The following KRT71 variants were observed in gnomAD, a reference collection of about 807,000 sequenced individuals.
The protein encoded by KRT71 is keratin 71.
A neutral mutation model predicts 46.2 loss-of-function variants in KRT71; 42 were observed. That is an observed-to-expected ratio of 0.91 (90% confidence interval 0.71 to 1.18). The LOEUF (loss-of-function observed/expected upper bound fraction) is 1.18, where lower values mean the gene tolerates loss of function less well. Ranked by LOEUF, KRT71 falls within the 50% of genes most tolerant of loss-of-function variation. The pLI is 0.00. For synonymous variants in KRT71, 292 were observed against 277.8 expected, an observed-to-expected ratio of 1.05 and a Z score of -0.51; for missense variants, 708 against 677.9, an observed-to-expected ratio of 1.04 and a Z score of -0.49.
chr12:52,546,939 G>A (rs117740004), intron 6 of KRT71, among the ~76,000 whole-genome samples: 2 of 152,320 alleles, frequency 1.3e-5, no homozygotes, highest in East Asian at 1.9e-4. Flanking sequence ...CACCCCGGGA[G>A]CAACCGTTAT....
Position 52,544,527 on chromosome 12 carries a change from C to T in KRT71, c.*5G>A, listed in dbSNP as rs954982451. 1 of 1,613,746 alleles carries T rather than the reference C, an allele frequency of 6.2e-7. No homozygotes were observed. The highest frequency in any genetic ancestry group is 8.5e-7 in the Non-Finnish European group (1 of 1,179,702). ...GGAATGAGGCGGGGCCCGGGGCAGT[C>T]TTCTCTACCGACTGGTTTTCTTGGA... On this transcript the variant is annotated 3_prime_UTR_variant, in exon 9 of 9. Coordinates refer to ENST00000267119, the MANE Select transcript of KRT71 (RefSeq NM_033448.3).
intron 2 of KRT71, among the ~76,000 whole-genome samples, chr12:52,549,590 G>T (rs1368146489): frequency 6.6e-6 from 1 of 152,172 alleles, no homozygotes; most frequent in African/African-American, 2.4e-5. Context: ...CACATGGAGC[G>T]AATGCCCTGT....
intron 1 of KRT71, 117 bp from the exon 2 acceptor site, chr12:52,550,360 T>G (rs1939148397): frequency 7.9e-7 from 1 of 1,264,150 alleles, no homozygotes; most frequent in African/African-American, 1.5e-5. Context: ...CTGAAAGAGG[T>G]GGGCAAATCA....
rs1325592038 is a variant in KRT71, at chr12:52,552,799, G to C, written c.279C>G (p.Cys93Trp). The C allele has an allele frequency of 1.2e-6, 2 of 1,614,084 alleles. No homozygotes were observed. Among genetic ancestry groups the C allele is most frequent in the South Asian group, 1.1e-5 (1 of 91,078 alleles). The change falls in exon 1 of 9, where the codon TGC (cysteine) becomes TGG (tryptophan). Residue 93 changes from cysteine to tryptophan, a missense_variant. Coordinates refer to ENST00000267119, the MANE Select transcript of KRT71 (RefSeq NM_033448.3). Reference protein sequence around the residue: ...MFGSVALGPVCPTVCPPGGIH... With the variant: ...MFGSVALGPVWPTVCPPGGIH... ...TGCCTCCAGGTGGGCATACAGTTGG[G>C]CACACAGGCCCCAGGGCCACACTGC...
Position 52,548,770 on chromosome 12 carries a change from C to T in KRT71, c.744G>A (p.Lys248=). 6.2e-7 allele frequency: 1 copy of T among 1,614,218 alleles called. No individual in the cohort carries two copies. The highest frequency in any genetic ancestry group is 8.5e-7 in the Non-Finnish European group (1 of 1,180,052). ...KKDVDAAYAN[K]VELQAKVESM... ...ATTCCACCTTGGCCTGCAGTTCCAC[C>T]TTATTGGCGTAAGCAGCATCCACAT... Residue 248 remains lysine (K), a synonymous_variant, in exon 4 of 9, where the codon AAG becomes AAA. Coordinates refer to ENST00000267119, the MANE Select transcript of KRT71 (RefSeq NM_033448.3).
rs603193 is a variant in KRT71 at position 52,546,384 on chromosome 12, C to T, written c.1227G>A (p.Ala409=). The part of the protein sequence containing the change: ...GALHQAKEEL[A]RMLREYQELM... ...GCTCCTGGTACTCGCGCAGCATCCG[C>T]GCCAGCTCCTCCTTGGCCTGGTGCA... Residue 409 remains alanine, a synonymous_variant, in exon 7 of 9, where the codon GCG becomes GCA. Transcript: ENST00000267119. 34,325 of 1,614,220 alleles carry T rather than the reference C, an allele frequency of 0.021. 445 individuals are homozygous for T. Among genetic ancestry groups the T allele is most frequent in the Non-Finnish European group, 0.025 (29,513 of 1,180,032 alleles).
chr12:52,551,037 C>T (rs1227372076), intron 1 of KRT71, among the ~76,000 whole-genome samples: 1 of 152,180 alleles, frequency 6.6e-6, no homozygotes, highest in African/African-American at 2.4e-5. Context: ...GAATTATTCC[C>T]CGAAAATTTG....
At chr12:52,544,996 C>A (rs1161903103) in intron 8 of KRT71, among the ~76,000 whole-genome samples, 1 of 152,182 alleles carries the variant, frequency 6.6e-6, no homozygotes, top group Admixed American at 6.5e-5. Context: ...GGTACCAATA[C>A]CCCTACCTGT....
At position 52,544,413 on chromosome 12, in the gene KRT71, C is replaced by G. The variant is rs535679247; in HGVS notation, c.*119G>C. On this transcript the variant is annotated 3_prime_UTR_variant, in exon 9 of 9. Transcript: ENST00000267119. ...GAGAAGTGGGTGGCCAAGGCCAGTG[C>G]CAGGTGTATGGGAGCAGGACCAGCA... 8.8e-5 allele frequency: 84 copies of G among 957,424 alleles called. No homozygotes were observed. The East Asian group carries it at 2.0e-3, about 23-fold the overall frequency. 59.3% of individuals were successfully genotyped at this position (957,424 alleles called of 1,614,324 possible). A position where few individuals can be genotyped will look rare whatever the true frequency, so the allele number is the denominator to read the frequency against.
At chr12:52,549,147 A>G in intron 3 of KRT71, 146 bp downstream of exon 3, 1 of 743,368 alleles carries the variant, frequency 1.3e-6, no homozygotes, top group Admixed American at 1.8e-5. Flanking sequence ...TTTTTTCTGG[A>G]TAGTCTTTCA....
chr12:52,546,353 T>C lies in KRT71; in HGVS notation c.1258A>G (p.Ser420Gly), dbSNP rs768497559. Residue 420 changes from serine to glycine, a missense_variant, in exon 7 of 9, where the codon AGC becomes GGC. Transcript: ENST00000267119. The part of the protein sequence containing the change: ...RMLREYQELM[S>G]LKLALDMEIA... ...TCCATGTCCAGGGCCAGCTTCAGGCTCATGAGCTCCTGGTACTCGCGCAGC... is the reference window on the plus strand; with the variant it reads ...TCCATGTCCAGGGCCAGCTTCAGGCCCATGAGCTCCTGGTACTCGCGCAGC... 1 of 1,614,192 alleles carries C rather than the reference T, an allele frequency of 6.2e-7. No homozygotes were observed. Among genetic ancestry groups the C allele is most frequent in the Non-Finnish European group, 8.5e-7 (1 of 1,180,030 alleles).
rs1411119862 is a variant in KRT71 at position 52,544,286 on chromosome 12, G to A, written c.*246C>T. On this transcript the variant is annotated 3_prime_UTR_variant, in exon 9 of 9. Coordinates refer to ENST00000267119, the MANE Select transcript of KRT71 (RefSeq NM_033448.3). ...AGCCAGGACCTGGGCTGGTGGTGTA[G>A]CTGGGGGACCACAGCCAAGGAGTTA... 2.6e-5 allele frequency: 15 copies of A among 571,682 alleles called. No homozygotes were observed. The highest frequency in any genetic ancestry group is 4.1e-5 in the Non-Finnish European group (13 of 317,912). The allele number at this position is 571,682 out of a possible 1,614,324, so 35.4% of individuals were successfully genotyped here. A position where few individuals can be genotyped will look rare whatever the true frequency, so the allele number is the denominator to read the frequency against.
Position 52,552,942 on chromosome 12 carries a change from G to A in KRT71, c.136C>T (p.Arg46Trp), listed in dbSNP as rs369905148. 160 of 1,614,036 alleles carry A rather than the reference G, an allele frequency of 9.9e-5. No homozygotes were observed. The highest frequency in any genetic ancestry group is 4.9e-4 in the Middle Eastern group (3 of 6,084). The change falls in exon 1 of 9, where the codon CGG (arginine) becomes TGG (tryptophan). Residue 46 changes from arginine (R) to tryptophan (W), a missense_variant. Coordinates refer to ENST00000267119, the MANE Select transcript of KRT71 (RefSeq NM_033448.3). ...SKGLSGGFGS[R>W]SLYSLGGVRS... is the part of the protein sequence containing the mutation. Reference sequence around the variant, plus strand: ...ACACCCCCCAGGCTGTAGAGGCTCCGGCTGCCAAAGCCCCCACTGAGCCCT... The same window carrying A: ...ACACCCCCCAGGCTGTAGAGGCTCCAGCTGCCAAAGCCCCCACTGAGCCCT...
At chr12:52,547,695 C>T (rs967471073) in intron 6 of KRT71, among the ~76,000 whole-genome samples, 162 bp downstream of exon 6, 1 of 152,136 alleles carries the variant, frequency 6.6e-6, no homozygotes, top group Admixed American at 6.5e-5. Flanking sequence ...AGATGAGTAG[C>T]CCCCAGGGAC....
intron 7 of KRT71, 112 bp from the exon 8 acceptor site, chr12:52,545,711 G>A (rs1396801155): frequency 4.6e-6 from 3 of 657,296 alleles, no homozygotes; most frequent in Non-Finnish European, 7.9e-6. Context: ...ACAGGCACCT[G>A]TGGAAATTCC....
intron 6 of KRT71, among the ~76,000 whole-genome samples, chr12:52,546,927 C>T (rs1027997216): frequency 2.0e-5 from 3 of 152,216 alleles, no homozygotes; most frequent in African/African-American, 7.2e-5. Flanking sequence ...CAGGGAAGGA[C>T]ACACCCCGGG....
intron 5 of KRT71, 62 bp from the exon 6 acceptor site, chr12:52,548,044 G>A (rs572114399): frequency 1.9e-6 from 3 of 1,605,708 alleles, no homozygotes; most frequent in Non-Finnish European, 2.6e-6. Context: ...CTTGGGATCA[G>A]AACACAACAG....
At position 52,550,054 on chromosome 12, in the gene KRT71, C is replaced by A; in HGVS notation, c.631G>T (p.Asp211Tyr). ...RLDSELRNVR[D>Y]VVEDYKKRYE... ...CTCTTCTTGTAGTCCTCCACTACGTCCCGCACATTCCTCAGCTCCGAGTCC... is the reference window on the plus strand; with the variant it reads ...CTCTTCTTGTAGTCCTCCACTACGTACCGCACATTCCTCAGCTCCGAGTCC... The change falls in exon 2 of 9, where the codon GAC becomes TAC. Residue 211 changes from aspartate to tyrosine, a missense_variant. Coordinates refer to ENST00000267119, the MANE Select transcript of KRT71 (RefSeq NM_033448.3). 1 of 1,614,124 alleles carries A rather than the reference C, an allele frequency of 6.2e-7. No homozygotes were observed. The highest frequency in any genetic ancestry group is 8.5e-7 in the Non-Finnish European group (1 of 1,179,994).
intron 6 of KRT71, among the ~76,000 whole-genome samples, 160 bp from the exon 7 acceptor site, chr12:52,546,666 T>G (rs1463059331): frequency 6.6e-6 from 1 of 152,192 alleles, no homozygotes; most frequent in African/African-American, 2.4e-5. Flanking sequence ...GGCTGGCACC[T>G]CCCTCCTTAG....
Sources: gnomAD v4.1 joint callset for allele counts (sites outside exome capture counted in the v4.1 genomes callset) on GRCh38, gnomAD v4.1.1 for gene constraint, MANE v1.5 for transcripts, NCBI Gene and HGNC (gene_info 2026-07-23, HGNC 2026-07-21) for gene names.